MED13L: variants seen among roughly 807,000 people sequenced by gnomAD.
The protein encoded by MED13L is mediator of RNA polymerase II transcription subunit 13-like.
In MED13L, 7 loss-of-function variants were observed where a neutral mutation model predicts 220.9. The observed-to-expected ratio is 0.03, with a 90% CI of 0.02 to 0.06. MED13L has a LOEUF of 0.06. Ranked by LOEUF, MED13L falls within the 10% of genes least tolerant of loss-of-function variation. The pLI is 1.00. For synonymous variants in MED13L, 1,011 were observed against 1,015.2 expected (o/e 1.00, Z 0.08); for missense variants, 1,965 against 2,760.5 (o/e 0.71, Z 6.46).
intron 13 of MED13L, among the ~76,000 whole-genome samples, chr12:116,004,973 T>C (rs1029985427): frequency 6.6e-6 from 1 of 152,208 alleles, no homozygotes; most frequent in African/African-American, 2.4e-5. Context: ...AATAAGTACA[T>C]TATAACTTTA....
chr12:116,222,223 TAAAG>T (rs1428206600), intron 2 of MED13L, among the ~76,000 whole-genome samples: 2 of 152,160 alleles, frequency 1.3e-5, no homozygotes, highest in Non-Finnish European at 2.9e-5. Context: ...TACCATAAAA[TAAAG>T]ACATAATTTC....
intron 2 of MED13L, among the ~76,000 whole-genome samples, chr12:116,207,770 A>G (rs1422872194): frequency 6.6e-6 from 1 of 151,980 alleles, no homozygotes; most frequent in Non-Finnish European, 1.5e-5. Context: ...TATGTAATTT[A>G]TGTTTTAAAA....
intron 1 of MED13L, among the ~76,000 whole-genome samples, chr12:116,246,173 A>G (rs1325974043): frequency 1.3e-5 from 2 of 152,074 alleles, no homozygotes; most frequent in Non-Finnish European, 2.9e-5. Flanking sequence ...ACTTTCTATC[A>G]AATATGTGAG....
rs559843228 is a variant in MED13L, at chr12:116,187,518, T to C, written c.310+49950A>G. On this transcript the variant is annotated intron_variant, in intron 2 of 30. Coordinates refer to ENST00000281928, the MANE Select transcript of MED13L (RefSeq NM_015335.5). ...ACAATGCTGGACACATATTGTTTTA[T>C]GTAGAAGTTATATTTTAGTCATATG... 9.8e-4 allele frequency among the ~76,000 whole-genome samples: 150 copies of C among 152,364 alleles called. 1 individual carries two copies. The highest frequency in any genetic ancestry group is 3.5e-3 in the African/African-American group (145 of 41,588).
At chr12:116,226,885 A>C (rs1471449818) in intron 2 of MED13L, among the ~76,000 whole-genome samples, 2 of 151,454 alleles carry the variant, frequency 1.3e-5, no homozygotes, top group East Asian at 1.9e-4. Flanking sequence ...AAAAAAAAAA[A>C]CACCACAGAT....
chr12:116,258,722 A>C (rs1872256538), intron 1 of MED13L, among the ~76,000 whole-genome samples: 1 of 149,784 alleles, frequency 6.7e-6, no homozygotes. Context: ...GGTTGCACTG[A>C]GCGAGATTAC....
At chr12:116,276,372 G>C (rs1205010383) in intron 1 of MED13L, 4 of 1,034,490 alleles carry the variant, frequency 3.9e-6, no homozygotes, top group African/African-American at 3.3e-5. Flanking sequence ...TGTTAGGATA[G>C]AGAAAAACAG....
intron 2 of MED13L, among the ~76,000 whole-genome samples, chr12:116,231,273 C>T (rs1258929740): frequency 6.6e-6 from 1 of 152,104 alleles, no homozygotes; most frequent in Non-Finnish European, 1.5e-5. Flanking sequence ...GCAGACACTA[C>T]CTTAATCAAG....
chr12:116,102,739 T>TTTTTTTTTTG, intron 3 of MED13L, among the ~76,000 whole-genome samples: 1 of 126,482 alleles, frequency 7.9e-6, no homozygotes, highest in African/African-American at 3.1e-5. Flanking sequence ...TTTTTTTTTT[T>TTTTTTTTTTG]GATACGGAGT....
intron 3 of MED13L, among the ~76,000 whole-genome samples, chr12:116,103,709 C>T (rs1260327820): frequency 6.6e-6 from 1 of 152,228 alleles, no homozygotes; most frequent in Non-Finnish European, 1.5e-5. Flanking sequence ...TACAAATAGA[C>T]ATGTGCTTTC....
intron 14 of MED13L, among the ~76,000 whole-genome samples, chr12:116,001,187 C>T (rs914493698): frequency 6.6e-6 from 1 of 152,000 alleles, no homozygotes; most frequent in African/African-American, 2.4e-5. Flanking sequence ...GTTGTTTAGA[C>T]ATTAATTTTG....
At chr12:116,028,421 T>G (rs1334331394) in intron 4 of MED13L, among the ~76,000 whole-genome samples, 1 of 152,160 alleles carries the variant, frequency 6.6e-6, no homozygotes, top group African/African-American at 2.4e-5. Flanking sequence ...TTGGAGATTA[T>G]TAAGGTCAAC....
intron 8 of MED13L, among the ~76,000 whole-genome samples, chr12:116,014,907 G>A (rs886842823): frequency 3.3e-5 from 5 of 152,118 alleles, no homozygotes; most frequent in Non-Finnish European, 5.9e-5. Flanking sequence ...AAAGTTCCTC[G>A]ATAATGAAAT....
intron 1 of MED13L, among the ~76,000 whole-genome samples, chr12:116,248,893 C>G (rs1056608027): frequency 6.6e-6 from 1 of 152,220 alleles, no homozygotes; most frequent in Non-Finnish European, 1.5e-5. Context: ...TATAAAATTA[C>G]TGTTTTCAGA....
intron 1 of MED13L, among the ~76,000 whole-genome samples, chr12:116,262,419 A>G (rs1872579116): frequency 6.6e-6 from 1 of 152,232 alleles, no homozygotes; most frequent in Admixed American, 6.5e-5. Context: ...GGGTGTTAAC[A>G]TATATAACTA....
intron 16 of MED13L, among the ~76,000 whole-genome samples, chr12:115,996,043 C>T (rs1565999779): frequency 6.6e-6 from 1 of 152,118 alleles, no homozygotes; most frequent in Non-Finnish European, 1.5e-5. Context: ...ACATGAACGA[C>T]CAATAAAGGA....
At chr12:116,029,793 T>C (rs1298535286) in intron 4 of MED13L, among the ~76,000 whole-genome samples, 1 of 152,070 alleles carries the variant, frequency 6.6e-6, no homozygotes, top group Non-Finnish European at 1.5e-5. Context: ...AATTAATAAA[T>C]ATTTTAACAT....
chr12:116,257,490 C>G (rs1872158183), intron 1 of MED13L, among the ~76,000 whole-genome samples: 1 of 152,118 alleles, frequency 6.6e-6, no homozygotes, highest in African/African-American at 2.4e-5. Flanking sequence ...AGAATGCAAC[C>G]TTGATGACTG....
rs1879185497 is a variant in MED13L at position 116,008,387 on chromosome 12, G to A, written c.2012+14C>T. On this transcript the variant is annotated intron_variant, in intron 10 of 30. Coordinates refer to ENST00000281928, the MANE Select transcript of MED13L (RefSeq NM_015335.5). Reference sequence around the variant, plus strand: ...TTCCGGTGGACGGGTGGGTGGTGCAGAGAGCTGTCTTACCTTTGCAATGCA... The same window carrying A: ...TTCCGGTGGACGGGTGGGTGGTGCAAAGAGCTGTCTTACCTTTGCAATGCA... 7 of 1,578,688 alleles carry A rather than the reference G, an allele frequency of 4.4e-6. No individual in the cohort carries two copies. The highest frequency in any genetic ancestry group is 6.1e-6 in the Non-Finnish European group (7 of 1,152,642).
Sources: allele counts gnomAD v4.1 joint callset (sites outside exome capture counted in the v4.1 genomes callset), GRCh38; gene constraint gnomAD v4.1.1; transcripts MANE v1.5; gene names NCBI Gene and HGNC (gene_info 2026-07-23, HGNC 2026-07-21).